Variants in PLD5 observed in about 807,000 individuals in gnomAD.
The protein encoded by PLD5 is inactive phospholipase D5.
In PLD5, 36 loss-of-function variants were observed where a neutral mutation model predicts 61.1. The ratio of observed to expected loss-of-function variants is 0.59; its 90% CI spans 0.45 to 0.78. The LOEUF is 0.78. Among genes scored for constraint, PLD5 ranks in the 30% least tolerant of loss-of-function variants. PLD5 has a pLI of 0.00. For synonymous variants in PLD5, 243 were observed against 242.8 expected (o/e 1.00, Z -0.01); for missense variants, 515 against 644.4 (o/e 0.80, Z 2.17).
chr1:242,296,738 G>A (rs1675681692), intron 2 of PLD5, among the ~76,000 whole-genome samples: 1 of 152,122 alleles, frequency 6.6e-6, no homozygotes, highest in Non-Finnish European at 1.5e-5. Context: ...ATGGGGTCTT[G>A]CTATGTTGTT....
At chr1:242,324,138 G>C (rs1405032477) in intron 2 of PLD5, among the ~76,000 whole-genome samples, 1 of 151,810 alleles carries the variant, frequency 6.6e-6, no homozygotes, top group Non-Finnish European at 1.5e-5. Flanking sequence ...AAAGCAATTT[G>C]TTGTAAATGC....
intron 5 of PLD5, among the ~76,000 whole-genome samples, chr1:242,199,950 C>A (rs193214910): frequency 6.6e-6 from 1 of 152,290 alleles, no homozygotes; most frequent in East Asian, 1.9e-4. Context: ...ATTCCATATT[C>A]TGGCTATTAT....
At chr1:242,230,158 G>A (rs1243272161) in intron 4 of PLD5, among the ~76,000 whole-genome samples, 1 of 152,190 alleles carries the variant, frequency 6.6e-6, no homozygotes, top group Non-Finnish European at 1.5e-5. Flanking sequence ...AGGGTGAGAA[G>A]CCCTGCATTA....
intron 5 of PLD5, among the ~76,000 whole-genome samples, chr1:242,212,414 A>T (rs1415367187): frequency 6.6e-6 from 1 of 152,260 alleles, no homozygotes; most frequent in African/African-American, 2.4e-5. Flanking sequence ...CTGCGCGACC[A>T]TGCGAGCGGT....
At chr1:242,356,748 T>C (rs956755079) in intron 1 of PLD5, among the ~76,000 whole-genome samples, 57 of 152,080 alleles carry the variant, frequency 3.7e-4, no homozygotes, top group Non-Finnish European at 8.1e-4. Flanking sequence ...TAGAATATCT[T>C]ACACTTATAA....
At chr1:242,137,021 C>T (rs1663786100) in intron 5 of PLD5, among the ~76,000 whole-genome samples, 2 of 152,160 alleles carry the variant, frequency 1.3e-5, no homozygotes, top group African/African-American at 4.8e-5. Flanking sequence ...TGAATATAAC[C>T]TGTGGAGTCC....
intron 1 of PLD5, among the ~76,000 whole-genome samples, chr1:242,468,692 C>T (rs1667348847): frequency 6.6e-6 from 1 of 151,816 alleles, no homozygotes; most frequent in Non-Finnish European, 1.5e-5. Flanking sequence ...CACACACATA[C>T]ACACACACGC....
intron 2 of PLD5, among the ~76,000 whole-genome samples, chr1:242,300,032 A>T (rs1456629905): frequency 1.3e-5 from 2 of 152,230 alleles, no homozygotes; most frequent in African/African-American, 2.4e-5. Flanking sequence ...ACATTAAGGA[A>T]AAGGTTGCTT....
intron 2 of PLD5, among the ~76,000 whole-genome samples, chr1:242,344,758 CTA>C (rs760744966): frequency 5.3e-5 from 8 of 151,862 alleles, no homozygotes; most frequent in Non-Finnish European, 8.8e-5. Context: ...ATTCATTTCA[CTA>C]TGTCAGGCCA....
chr1:242,397,639 G>T (rs759664983), intron 1 of PLD5, among the ~76,000 whole-genome samples: 10 of 152,058 alleles, frequency 6.6e-5, no homozygotes, highest in Non-Finnish European at 1.5e-4. Flanking sequence ...GGCTTAGGAG[G>T]TAGAATGTCT....
chr1:242,244,995 C>A (rs1672275237), intron 4 of PLD5, among the ~76,000 whole-genome samples: 1 of 152,180 alleles, frequency 6.6e-6, no homozygotes, highest in Admixed American at 6.5e-5. Flanking sequence ...TAAACTAAAT[C>A]ATTTAAAACT....
At chr1:242,282,467 G>C (rs1369395728) in intron 3 of PLD5, among the ~76,000 whole-genome samples, 1 of 152,014 alleles carries the variant, frequency 6.6e-6, no homozygotes, top group Admixed American at 6.6e-5. Context: ...TCTTATGCTT[G>C]CTATTTCATA....
At chr1:242,506,250 T>A (rs1050843051) in intron 1 of PLD5, among the ~76,000 whole-genome samples, 2 of 152,210 alleles carry the variant, frequency 1.3e-5, no homozygotes, top group Non-Finnish European at 2.9e-5. Context: ...ATCTTAGTGA[T>A]CTATATCTAG....
intron 1 of PLD5, among the ~76,000 whole-genome samples, chr1:242,356,184 T>C (rs1435696267): frequency 6.6e-6 from 1 of 152,054 alleles, no homozygotes; most frequent in African/African-American, 2.4e-5. Flanking sequence ...ATCCTCTACT[T>C]ACATTGTATT....
intron 1 of PLD5, among the ~76,000 whole-genome samples, chr1:242,388,606 C>T (rs972475766): frequency 4.6e-5 from 7 of 152,048 alleles, no homozygotes; most frequent in South Asian, 2.1e-4. Context: ...ATGTTCGGTA[C>T]GCAGGTGATG....
chr1:242,088,309 T>C lies in PLD5; in HGVS notation c.*1545A>G, dbSNP rs1659566885. 1 of 152,244 alleles carries C rather than the reference T, an allele frequency of 6.6e-6. No individual in the cohort carries two copies. Among genetic ancestry groups the C allele is most frequent in the Non-Finnish European group, 1.5e-5 (1 of 68,044 alleles). 9.4% of individuals were successfully genotyped at this position (152,244 alleles called of 1,614,324 possible). A position where few individuals can be genotyped will look rare whatever the true frequency, so the allele number is the denominator to read the frequency against. Reference sequence around the variant, plus strand: ...ATCTCCACCAGGGTTTCTGTGGGGCTGTGCTCTTTTCATCCACATTTGCAA... The same window carrying C: ...ATCTCCACCAGGGTTTCTGTGGGGCCGTGCTCTTTTCATCCACATTTGCAA... On this transcript the variant is annotated 3_prime_UTR_variant, in exon 10 of 10. Coordinates refer to ENST00000536534, the MANE Select transcript of PLD5 (RefSeq NM_001372062.1).
intron 2 of PLD5, among the ~76,000 whole-genome samples, chr1:242,297,564 T>C (rs1471736384): frequency 4.6e-5 from 7 of 151,036 alleles, no homozygotes. Flanking sequence ...CACCATCACA[T>C]CCAGCTAACC....
chr1:242,477,117 G>C (rs540439612), intron 1 of PLD5, among the ~76,000 whole-genome samples: 1 of 152,258 alleles, frequency 6.6e-6, no homozygotes, highest in East Asian at 1.9e-4. Flanking sequence ...AGGCGTGGTG[G>C]TGTGCCCCTG....
At chr1:242,333,278 C>A (rs1420405306) in intron 2 of PLD5, among the ~76,000 whole-genome samples, 1 of 152,144 alleles carries the variant, frequency 6.6e-6, no homozygotes, top group African/African-American at 2.4e-5. Flanking sequence ...ATCTCCCAAC[C>A]CAAGGCTTCA....
Sources: allele counts gnomAD v4.1 joint callset (sites outside exome capture counted in the v4.1 genomes callset), GRCh38; gene constraint gnomAD v4.1.1; transcripts MANE v1.5; gene names NCBI Gene and HGNC (gene_info 2026-07-23, HGNC 2026-07-21).